The following EYA3 variants were observed in gnomAD, a reference collection of about 807,000 sequenced individuals.
EYA3 encodes EYA transcriptional coactivator and phosphatase 3.
Under a neutral mutation model 80.0 loss-of-function variants are expected in EYA3, and 39 were observed. The ratio of observed to expected loss-of-function variants is 0.49; its 90% CI spans 0.38 to 0.64. The LOEUF (loss-of-function observed/expected upper bound fraction) is 0.64. Among genes scored for constraint, EYA3 ranks in the 30% least tolerant of loss-of-function variants. The pLI, the probability that EYA3 is intolerant of heterozygous loss-of-function variation, is 0.00. For synonymous variants in EYA3, 206 were observed against 232.8 expected (o/e 0.88, Z 1.05); for missense variants, 523 against 676.1 (o/e 0.77, Z 2.51).
At chr1:28,014,434 A>G (rs1159812928) in intron 8 of EYA3, among the ~76,000 whole-genome samples, 1 of 149,332 alleles carries the variant, frequency 6.7e-6, no homozygotes, top group Non-Finnish European at 1.5e-5. Flanking sequence ...AAAAAAAAAA[A>G]AAAAAAAAAA....
intron 10 of EYA3, among the ~76,000 whole-genome samples, chr1:28,007,355 G>A (rs78815050): frequency 1.3e-4 from 17 of 130,434 alleles, no homozygotes; most frequent in East Asian, 6.5e-4. Flanking sequence ...TTTTTTTTCC[G>A]AGACAGTCTT....
At chr1:28,077,032 C>T (rs552857314) in intron 1 of EYA3, among the ~76,000 whole-genome samples, 2 of 150,690 alleles carry the variant, frequency 1.3e-5, no homozygotes, top group South Asian at 2.1e-4. Context: ...CAAGCCACCA[C>T]GCCCGGTCTG....
At chr1:28,063,008 CAAAA>C (rs1250302998) in intron 1 of EYA3, among the ~76,000 whole-genome samples, 2 of 85,254 alleles carry the variant, frequency 2.3e-5, no homozygotes, top group Non-Finnish European at 2.5e-5. Context: ...CGCTCCATCT[CAAAA>C]AAAAAAAAAA....
At chr1:28,085,189 A>G (rs894364029) in intron 1 of EYA3, among the ~76,000 whole-genome samples, 1 of 152,094 alleles carries the variant, frequency 6.6e-6, no homozygotes, top group East Asian at 1.9e-4. Context: ...GGTGGCTCAC[A>G]CCTTTAATCT....
At chr1:28,078,183 G>C (rs2147025) in intron 1 of EYA3, among the ~76,000 whole-genome samples, 10,367 of 152,196 alleles carry the variant, frequency 0.068, 625 homozygotes, top group East Asian at 0.25. Context: ...CTCCACTTAA[G>C]TTTTCCCAAA....
chr1:28,046,109 G>A (rs1379791370), intron 3 of EYA3, among the ~76,000 whole-genome samples: 2 of 152,160 alleles, frequency 1.3e-5, no homozygotes. Context: ...TGGGGGAGTG[G>A]AGAATATTGT....
rs565903040 is a variant in EYA3, at chr1:28,043,844, A to AAAAC, written c.78-1198_78-1195dup. On this transcript the variant is annotated intron_variant, in intron 3 of 17. Transcript: ENST00000373871. ...CACAGTGAGACTCTGTCTCAAAAAC[A>AAAAC]AAACAAACAAACAAACAAACAAACA... Among the ~76,000 whole-genome samples the AAAAC allele has an allele frequency of 6.8e-3, 1,036 of 152,208 alleles. 11 individuals are homozygous for AAAAC. The highest frequency in any genetic ancestry group is 0.023 in the African/African-American group (959 of 41,518).
At chr1:28,035,495 C>A (rs778234219) in intron 6 of EYA3, 49 bp downstream of exon 6, 5 of 1,592,050 alleles carry the variant, frequency 3.1e-6, no homozygotes, top group Non-Finnish European at 1.7e-6. Flanking sequence ...AAAGTTTCTG[C>A]GGAATAAAAT....
chr1:28,027,662 C>T lies in EYA3; in HGVS notation c.499+127G>A, dbSNP rs144344767. ...AAAGCATGCACAAATCCAAGTATCA[C>T]CCCCTTTCTACTTTAGAAGACAGAG... On this transcript the variant is annotated intron_variant, in intron 7 of 17. Coordinates refer to ENST00000373871, the MANE Select transcript of EYA3 (RefSeq NM_001990.4). 392 of 1,203,750 alleles carry T rather than the reference C, an allele frequency of 3.3e-4. 2 individuals carry two copies. In the African/African-American group the frequency reaches 5.3e-3, roughly 16 times the overall value. 74.6% of individuals were successfully genotyped at this position (1,203,750 alleles called of 1,614,324 possible).
rs982269852 is a variant in EYA3, at chr1:28,084,463, T to C, written c.-69+4061A>G. On this transcript the variant is annotated intron_variant, in intron 1 of 17. Transcript: ENST00000373871. ...TTTAAGTTAATTAGAAAACAGAAAG[T>C]CCACCTATTTTCCACCTTACTATCA... is the stretch of plus-strand genomic sequence containing the variant. Among the ~76,000 whole-genome samples the C allele has an allele frequency of 4.0e-5, 6 of 148,612 alleles. No individual in the cohort carries two copies. In the South Asian group the frequency reaches 6.3e-4, roughly 16 times the overall value.
intron 8 of EYA3, among the ~76,000 whole-genome samples, chr1:28,014,159 G>A (rs1307484001): frequency 1.3e-5 from 2 of 152,164 alleles, no homozygotes; most frequent in Non-Finnish European, 2.9e-5. Flanking sequence ...GCTTACGCCT[G>A]TAATCCCAGC....
chr1:28,035,398 T>G (rs1220940922), intron 6 of EYA3, 146 bp downstream of exon 6: 2 of 750,774 alleles, frequency 2.7e-6, no homozygotes, highest in Non-Finnish European at 4.3e-6. Context: ...ATTTTTTTAT[T>G]ACATGCATCA....
At chr1:28,087,815 T>G (rs556724068) in intron 1 of EYA3, among the ~76,000 whole-genome samples, 1 of 152,220 alleles carries the variant, frequency 6.6e-6, no homozygotes, top group South Asian at 2.1e-4. Context: ...TAGCTGCTCT[T>G]GAGAGAGCCC....
intron 13 of EYA3, among the ~76,000 whole-genome samples, chr1:27,995,107 T>C (rs1008522480): frequency 3.3e-5 from 5 of 151,994 alleles, no homozygotes; most frequent in African/African-American, 1.2e-4. Context: ...TTTCTAGATT[T>C]AAAATCCTTT....
intron 7 of EYA3, among the ~76,000 whole-genome samples, chr1:28,024,612 A>G (rs1170368713): frequency 6.6e-6 from 1 of 151,984 alleles, no homozygotes; most frequent in African/African-American, 2.4e-5. Context: ...AGCCGAGAGC[A>G]TGCCACTGCA....
rs963216170 is a variant in EYA3 at position 27,977,289 on chromosome 1, T to A, written c.1641+1085A>T. 4.5e-6 allele frequency: 7 copies of A among 1,549,520 alleles called. No individual in the cohort carries two copies. In the African/African-American group the frequency reaches 9.6e-5, roughly 21 times the overall value. ...GCCAACTGATTACCAATCTCATAGT[T>A]TATTATAGTTGCTAAGGTTTCCACT... On this transcript the variant is annotated intron_variant, in intron 17 of 17. Transcript: ENST00000373871.
chr1:28,073,127 A>ATTTTTTTTTTT (rs1180868021), intron 1 of EYA3, among the ~76,000 whole-genome samples: 2 of 14,998 alleles, frequency 1.3e-4, no homozygotes, highest in African/African-American at 3.2e-4. Context: ...ATATATATAT[A>ATTTTTTTTTTT]TTTTTTTTTT....
At chr1:28,071,863 C>T (rs564834623) in intron 1 of EYA3, among the ~76,000 whole-genome samples, 1 of 152,294 alleles carries the variant, frequency 6.6e-6, no homozygotes, top group South Asian at 2.1e-4. Context: ...AAAAGCTCAG[C>T]TAATTTAACC....
intron 2 of EYA3, among the ~76,000 whole-genome samples, chr1:28,051,440 C>A (rs553119455): frequency 6.6e-6 from 1 of 152,254 alleles, no homozygotes; most frequent in South Asian, 2.1e-4. Context: ...CTAATCCCAG[C>A]ACTTTGGGAG....
Sources: allele counts gnomAD v4.1 joint callset (sites outside exome capture counted in the v4.1 genomes callset), GRCh38; gene constraint gnomAD v4.1.1; transcripts MANE v1.5; gene names NCBI Gene and HGNC (gene_info 2026-07-23, HGNC 2026-07-21).